The following PBX1 variants were observed in gnomAD, a reference collection of about 807,000 sequenced individuals.
PBX1 encodes PBX homeobox 1, also known as pre-B-cell leukemia transcription factor 1.
PBX1 carries 6 observed loss-of-function variants against 53.4 expected under a neutral mutation model. The ratio of observed to expected loss-of-function variants is 0.11; its 90% confidence interval spans 0.06 to 0.22. PBX1 has a LOEUF of 0.22. Ranked by LOEUF, PBX1 falls within the 10% of genes least tolerant of loss-of-function variation. The probability of loss-of-function intolerance (pLI) is 1.00; values close to 1 mark genes in which losing one functional copy is unlikely to be tolerated. For synonymous variants in PBX1, 204 were observed against 212.3 expected (o/e 0.96, Z 0.34); for missense variants, 251 against 551.4 (o/e 0.46, Z 5.46).
intron 6 of PBX1, chr1:164,818,325 TG>T (rs1434337572): frequency 2.0e-5 from 3 of 152,200 alleles, no homozygotes; most frequent in Admixed American, 2.0e-4. Context: ...TCCCACTGAC[TG>T]GGTATAAGCC....
intron 8 of PBX1, among the ~76,000 whole-genome samples, chr1:164,841,817 C>T (rs559626578): frequency 3.9e-5 from 6 of 152,094 alleles, no homozygotes; most frequent in Non-Finnish European, 7.4e-5. Context: ...TTTTTCTTCC[C>T]GGCCGTTCCC....
intron 2 of PBX1, among the ~76,000 whole-genome samples, chr1:164,725,877 C>A (rs769621740): frequency 3.3e-5 from 5 of 152,146 alleles, no homozygotes; most frequent in African/African-American, 4.8e-5. Flanking sequence ...GAGTGGTTGG[C>A]ACCATGATGG....
At chr1:164,648,413 C>A (rs1659593859) in intron 2 of PBX1, among the ~76,000 whole-genome samples, 1 of 152,210 alleles carries the variant, frequency 6.6e-6, no homozygotes, top group Admixed American at 6.5e-5. Flanking sequence ...TCTTTGGCCA[C>A]CTCCTCACTA....
intron 2 of PBX1, among the ~76,000 whole-genome samples, chr1:164,781,522 A>C (rs1351998250): frequency 6.6e-6 from 1 of 152,176 alleles, no homozygotes; most frequent in Non-Finnish European, 1.5e-5. Flanking sequence ...TTTACAGTTT[A>C]GTCCACCTTA....
chr1:164,661,190 C>T (rs1042063170), intron 2 of PBX1, among the ~76,000 whole-genome samples: 1 of 152,322 alleles, frequency 6.6e-6, no homozygotes, highest in Non-Finnish European at 1.5e-5. Flanking sequence ...CCTTGCATTT[C>T]TTATCCTTTA....
Position 164,729,128 on chromosome 1 carries a change from C to CAGG in PBX1, c.266-63364_266-63362dup, listed in dbSNP as rs533733205. On this transcript the variant is annotated intron_variant, in intron 2 of 8. Coordinates refer to ENST00000420696, the MANE Select transcript of PBX1 (RefSeq NM_002585.4). ...CAAGCAGAATTTTCAAGGCAGCATCCAGGAATACTTGGTAACTAACCTCAG... is the reference window on the plus strand; with the variant it reads ...CAAGCAGAATTTTCAAGGCAGCATCCAGGAGGAATACTTGGTAACTAACCTCAG... 9.2e-5 allele frequency among the ~76,000 whole-genome samples: 14 copies of CAGG among 152,228 alleles called. No individual in the cohort carries two copies. In the East Asian group the frequency reaches 2.7e-3, roughly 29 times the overall value.
intron 2 of PBX1, among the ~76,000 whole-genome samples, chr1:164,669,605 A>T (rs150782580): frequency 6.6e-6 from 1 of 152,174 alleles, no homozygotes; most frequent in Non-Finnish European, 1.5e-5. Context: ...TTTAGAATGT[A>T]CACACTGCCT....
intron 8 of PBX1, among the ~76,000 whole-genome samples, chr1:164,836,326 A>G (rs917898845): frequency 6.6e-6 from 1 of 152,168 alleles, no homozygotes; most frequent in African/African-American, 2.4e-5. Context: ...TCCTGAACCC[A>G]CAGTACAGCT....
chr1:164,610,561 T>C (rs1656851402), intron 2 of PBX1, among the ~76,000 whole-genome samples: 1 of 152,026 alleles, frequency 6.6e-6, no homozygotes, highest in Admixed American at 6.5e-5. Context: ...AAGGTCTTCA[T>C]AGAGTGATGA....
intron 8 of PBX1, among the ~76,000 whole-genome samples, chr1:164,835,148 T>C (rs897850927): frequency 3.3e-5 from 5 of 152,120 alleles, no homozygotes; most frequent in African/African-American, 1.2e-4. Flanking sequence ...AGCATAACTT[T>C]AAATAACTGC....
At chr1:164,758,043 G>A (rs999652021) in intron 2 of PBX1, among the ~76,000 whole-genome samples, 2 of 152,252 alleles carry the variant, frequency 1.3e-5, no homozygotes, top group Middle Eastern at 3.4e-3. Flanking sequence ...TAGTTGGGCA[G>A]CAAACCTACC....
chr1:164,819,257 T>C (rs1314266056), intron 6 of PBX1: 1 of 152,146 alleles, frequency 6.6e-6, no homozygotes, highest in Non-Finnish European at 1.5e-5. Flanking sequence ...GGATGATGCT[T>C]CCATCCCTGG....
intron 2 of PBX1, chr1:164,642,939 T>TAAAAC (rs1000397246): frequency 2.6e-5 from 4 of 152,190 alleles, no homozygotes; most frequent in Non-Finnish European, 5.9e-5. Flanking sequence ...AGATAAAGTA[T>TAAAAC]AGAAGCAACT....
chr1:164,691,533 T>C (rs116451254), intron 2 of PBX1, among the ~76,000 whole-genome samples: 1,585 of 152,294 alleles, frequency 0.01, 31 homozygotes, highest in African/African-American at 0.036. Flanking sequence ...CAAGAACTTA[T>C]AGACAGACCC....
chr1:164,874,485 G>C (rs763822594), intron 2 of PBX1, among the ~76,000 whole-genome samples: 5 of 151,976 alleles, frequency 3.3e-5, no homozygotes, highest in South Asian at 2.1e-4. Context: ...TTGTTCGTTT[G>C]TTTCTTTCTT....
chr1:164,804,448 AAATT>A (rs1669237330), intron 4 of PBX1, among the ~76,000 whole-genome samples: 1 of 152,228 alleles, frequency 6.6e-6, no homozygotes, highest in African/African-American at 2.4e-5. Flanking sequence ...ACTAAATACT[AAATT>A]AAAATAAATA....
At chr1:164,775,242 C>G (rs1231011956) in intron 2 of PBX1, among the ~76,000 whole-genome samples, 1 of 152,146 alleles carries the variant, frequency 6.6e-6, no homozygotes, top group African/African-American at 2.4e-5. Flanking sequence ...GACTTTTGCC[C>G]CTAGGACCCA....
chr1:164,662,684 G>A (rs1225708953), intron 2 of PBX1, among the ~76,000 whole-genome samples: 2 of 152,126 alleles, frequency 1.3e-5, no homozygotes, highest in Non-Finnish European at 2.9e-5. Flanking sequence ...CCTGGTGGCA[G>A]TGAGATGCCT....
In PBX1 at chr1:164,846,971, C is replaced by G. The variant is rs1008070726; in HGVS notation, c.*295C>G. ...TGCCTCTGTCCTAGACTCCCGGGGT[C>G]CCCGCCCTCTCTCATATCACTGAAG... On this transcript the variant is annotated 3_prime_UTR_variant, in exon 9 of 9. Transcript: ENST00000420696. 8.1e-7 allele frequency: 1 copy of G among 1,234,262 alleles called. No individual in the cohort carries two copies. The highest frequency in any genetic ancestry group is 1.0e-6 in the Non-Finnish European group (1 of 981,738). 76.5% of individuals were successfully genotyped at this position (1,234,262 alleles called of 1,614,324 possible). A position where few individuals can be genotyped will look rare whatever the true frequency, so the allele number is the denominator to read the frequency against.
Sources: allele counts gnomAD v4.1 joint callset (sites outside exome capture counted in the v4.1 genomes callset), GRCh38; gene constraint gnomAD v4.1.1; transcripts MANE v1.5; gene names NCBI Gene and HGNC (gene_info 2026-07-23, HGNC 2026-07-21).